Variants in MGAT4C observed in about 807,000 individuals in gnomAD.
MGAT4C encodes alpha-1,3-mannosyl-glycoprotein 4-beta-N-acetylglucosaminyltransferase C.
A neutral mutation model predicts 40.1 loss-of-function variants in MGAT4C; 19 were observed. That is an observed-to-expected ratio of 0.47 (90% CI 0.33 to 0.70). MGAT4C has a LOEUF of 0.70. Among genes scored for constraint, MGAT4C ranks in the 30% least tolerant of loss-of-function variants. The probability of loss-of-function intolerance (pLI) is 0.02; values close to 1 mark genes in which losing one functional copy is unlikely to be tolerated. For missense variants in MGAT4C, 491 were observed against 563.2 expected, an observed-to-expected ratio of 0.87 and a Z score of 1.30; for synonymous variants, 181 against 187.1, an observed-to-expected ratio of 0.97 and a Z score of 0.27.
intron 2 of MGAT4C, among the ~76,000 whole-genome samples, chr12:86,580,559 A>C (rs1174395267): frequency 4.0e-5 from 6 of 151,536 alleles, no homozygotes; most frequent in Admixed American, 1.3e-4. Context: ...TATAATCTAC[A>C]TAATTAACTA....
chr12:86,765,508 A>T lies in MGAT4C; in HGVS notation c.-261-38267T>A, dbSNP rs143662458. ...AGGCCAACATTCAGAATCAGGAAAT[A>T]TAGAGAACGCCACAAAGATACCCCT... On this transcript the variant is annotated intron_variant, in intron 1 of 7. Coordinates refer to the MGAT4C transcript ENST00000548651. Among the ~76,000 whole-genome samples the T allele has an allele frequency of 4.4e-4, 67 of 152,320 alleles. 1 individual carries two copies. The highest frequency in any genetic ancestry group is 1.3e-3 in the Admixed American group (20 of 15,302).
chr12:85,985,963 A>C (rs1010936785), intron 3 of MGAT4C, among the ~76,000 whole-genome samples: 2 of 152,234 alleles, frequency 1.3e-5, no homozygotes, highest in East Asian at 3.8e-4. Context: ...AGGTAAGTGC[A>C]GGATATTGAA....
chr12:86,627,949 A>C (rs1211831582), intron 2 of MGAT4C, among the ~76,000 whole-genome samples: 1 of 152,150 alleles, frequency 6.6e-6, no homozygotes, highest in African/African-American at 2.4e-5. Flanking sequence ...AACTTCCCTG[A>C]GCTAAAGGAG....
intron 2 of MGAT4C, among the ~76,000 whole-genome samples, chr12:86,566,538 A>G (rs1369921622): frequency 2.7e-5 from 2 of 74,138 alleles, no homozygotes; most frequent in Non-Finnish European, 5.0e-5. Flanking sequence ...ATACATATAT[A>G]TATATATATA....
At chr12:86,323,586 T>A (rs903421008) in intron 4 of MGAT4C, among the ~76,000 whole-genome samples, 4 of 151,820 alleles carry the variant, frequency 2.6e-5, no homozygotes, top group Admixed American at 6.6e-5. Context: ...CTCATAGGTG[T>A]TCTGTTTCAA....
intron 2 of MGAT4C, among the ~76,000 whole-genome samples, chr12:86,526,144 G>C (rs989395408): frequency 6.6e-6 from 1 of 152,128 alleles, no homozygotes; most frequent in African/African-American, 2.4e-5. Flanking sequence ...GGCAAGGGTG[G>C]TTGCTCAGGA....
At chr12:86,109,312 G>A (rs1876792922) in intron 1 of MGAT4C, among the ~76,000 whole-genome samples, 1 of 152,010 alleles carries the variant, frequency 6.6e-6, no homozygotes, top group Non-Finnish European at 1.5e-5. Context: ...ATATAGCGTG[G>A]TATTGTAAAT....
At chr12:86,032,194 C>G (rs1890817539) in intron 2 of MGAT4C, among the ~76,000 whole-genome samples, 1 of 151,856 alleles carries the variant, frequency 6.6e-6, no homozygotes, top group African/African-American at 2.4e-5. Flanking sequence ...TATTCCATGT[C>G]TTTCCTTTTG....
In MGAT4C at chr12:85,965,249, T is replaced by C. The variant is rs1883297972; in HGVS notation, c.*14040A>G. On this transcript the variant is annotated 3_prime_UTR_variant, in exon 5 of 5. Transcript: ENST00000611864. ...GAAGACTATTTATAAAATTTATTGC[T>C]TGTAAGATTTGTTTTTTGTTCTCTT... The C allele has an allele frequency of 6.6e-6, 1 of 152,160 alleles. No individual in the cohort carries two copies. Among genetic ancestry groups the C allele is most frequent in the South Asian group, 2.1e-4 (1 of 4,832 alleles). The allele number at this position is 152,160 out of a possible 1,614,324, so 9.4% of individuals were successfully genotyped here. A position where few individuals can be genotyped will look rare whatever the true frequency, so the allele number is the denominator to read the frequency against.
intron 2 of MGAT4C, among the ~76,000 whole-genome samples, chr12:86,561,612 C>T (rs965167949): frequency 3.3e-5 from 5 of 152,154 alleles, no homozygotes; most frequent in Non-Finnish European, 5.9e-5. Context: ...GAAGGCTCCA[C>T]TCATAGTATT....
Position 86,485,390 on chromosome 12 carries a change from C to T in MGAT4C, c.-228-50125G>A, listed in dbSNP as rs112173020. Among the ~76,000 whole-genome samples, 167 of 152,208 alleles carry T rather than the reference C, an allele frequency of 1.1e-3. 1 individual carries two copies. Among genetic ancestry groups the T allele is most frequent in the African/African-American group, 3.8e-3 (157 of 41,536 alleles). ...AAAAAGAGCCATTCTAAGAAAGAAG[C>T]AAACCAGACTTCTGGAATTGAAAAA... is the stretch of plus-strand genomic sequence containing the variant. On this transcript the variant is annotated intron_variant, in intron 2 of 7. Transcript: ENST00000548651.
At chr12:86,021,217 A>G (rs1889696252) in intron 2 of MGAT4C, among the ~76,000 whole-genome samples, 1 of 152,102 alleles carries the variant, frequency 6.6e-6, no homozygotes, top group Non-Finnish European at 1.5e-5. Flanking sequence ...ATACCATTTG[A>G]CCCAGCCATC....
intron 1 of MGAT4C, among the ~76,000 whole-genome samples, chr12:86,148,814 T>C (rs1035613572): frequency 6.6e-6 from 1 of 152,180 alleles, no homozygotes; most frequent in Non-Finnish European, 1.5e-5. Context: ...TGAGGAATGA[T>C]GAAACTCTAA....
chr12:86,421,924 T>C (rs764625717), intron 3 of MGAT4C, among the ~76,000 whole-genome samples: 8 of 152,218 alleles, frequency 5.3e-5, no homozygotes, highest in Non-Finnish European at 5.9e-5. Flanking sequence ...AAATTGTAAG[T>C]CTTAATTTGT....
chr12:86,569,409 T>G (rs10466943), intron 2 of MGAT4C, among the ~76,000 whole-genome samples: 261 of 152,026 alleles, frequency 1.7e-3, no homozygotes, highest in African/African-American at 5.9e-3. Flanking sequence ...AAATTGTCAA[T>G]GGGTATATTT....
At chr12:86,224,379 G>A (rs1011093359) in intron 1 of MGAT4C, among the ~76,000 whole-genome samples, 7 of 152,102 alleles carry the variant, frequency 4.6e-5, no homozygotes, top group African/African-American at 1.7e-4. Flanking sequence ...CCCACTGCCT[G>A]CTTTAGATAG....
intron 2 of MGAT4C, among the ~76,000 whole-genome samples, chr12:86,702,300 C>G (rs1191087756): frequency 6.6e-6 from 1 of 151,974 alleles, no homozygotes; most frequent in Non-Finnish European, 1.5e-5. Context: ...CCACTTTGGC[C>G]TCCCAAAATG....
At chr12:86,212,971 A>G (rs959889882) in intron 1 of MGAT4C, among the ~76,000 whole-genome samples, 1 of 150,258 alleles carries the variant, frequency 6.7e-6, no homozygotes, top group Non-Finnish European at 1.5e-5. Flanking sequence ...AATGGCAGCC[A>G]AAGTTACTTC....
chr12:86,014,019 A>G (rs572274918), intron 2 of MGAT4C, among the ~76,000 whole-genome samples: 2 of 152,050 alleles, frequency 1.3e-5, no homozygotes, highest in South Asian at 4.1e-4. Context: ...TGCATCTAAA[A>G]CTGTAATTTT....
Sources: allele counts gnomAD v4.1 joint callset (sites outside exome capture counted in the v4.1 genomes callset), GRCh38; gene constraint gnomAD v4.1.1; transcripts MANE v1.5; gene names NCBI Gene and HGNC (gene_info 2026-07-23, HGNC 2026-07-21).